The following ADARB2 variants were observed in gnomAD, a reference collection of about 807,000 sequenced individuals.
The protein encoded by ADARB2 is inactive double-stranded RNA-specific editase B2.
ADARB2 carries 25 observed loss-of-function variants against 62.2 expected under a neutral mutation model. The ratio of observed to expected loss-of-function variants is 0.40; its 90% CI spans 0.29 to 0.56. ADARB2 has a LOEUF of 0.56. Among genes scored for constraint, ADARB2 ranks in the 20% least tolerant of loss-of-function variants. ADARB2 has a pLI of 0.43. For missense variants in ADARB2, 1,071 were observed against 1,077.4 expected, an observed-to-expected ratio of 0.99 and a Z score of 0.08; for synonymous variants, 572 against 500.8, an observed-to-expected ratio of 1.14 and a Z score of -1.90.
intron 1 of ADARB2, among the ~76,000 whole-genome samples, chr10:1,458,208 C>T (rs978488756): frequency 1.3e-5 from 2 of 152,152 alleles, no homozygotes; most frequent in Admixed American, 6.5e-5. Flanking sequence ...CTGGAGGTCT[C>T]CGCAGGAAGA....
At chr10:1,247,573 C>A (rs1309062516) in intron 4 of ADARB2, among the ~76,000 whole-genome samples, 1 of 152,192 alleles carries the variant, frequency 6.6e-6, no homozygotes, top group Non-Finnish European at 1.5e-5. Flanking sequence ...CGGGCGTCAT[C>A]ATCTCTCCCC....
At chr10:1,588,053 C>A (rs552577395) in intron 1 of ADARB2, among the ~76,000 whole-genome samples, 2 of 152,280 alleles carry the variant, frequency 1.3e-5, no homozygotes, top group South Asian at 4.2e-4. Flanking sequence ...TGCAACAATA[C>A]TATGACAAGG....
intron 4 of ADARB2, among the ~76,000 whole-genome samples, chr10:1,249,852 C>T (rs959727970): frequency 2.6e-5 from 4 of 152,010 alleles, no homozygotes; most frequent in African/African-American, 4.8e-5. Context: ...CTGCTAGAAA[C>T]AATGAGAGAG....
intron 6 of ADARB2, among the ~76,000 whole-genome samples, chr10:1,222,847 C>T (rs1198977954): frequency 1.3e-5 from 2 of 150,438 alleles, no homozygotes; most frequent in Admixed American, 6.6e-5. Flanking sequence ...AGTCAGGTAG[C>T]ATGATGCCTC....
intron 1 of ADARB2, among the ~76,000 whole-genome samples, chr10:1,665,323 G>A (rs967997840): frequency 3.3e-5 from 5 of 152,256 alleles, no homozygotes; most frequent in South Asian, 2.1e-4. Context: ...GTGAGTGGGC[G>A]TTGTGCGCAG....
intron 3 of ADARB2, among the ~76,000 whole-genome samples, chr10:1,298,520 C>T (rs1157503475): frequency 6.6e-6 from 1 of 152,176 alleles, no homozygotes; most frequent in East Asian, 1.9e-4. Context: ...ACAAAATTCA[C>T]CTTGAGGGAG....
intron 3 of ADARB2, 75 bp from the exon 4 acceptor site, chr10:1,271,144 C>T (rs1007148608): frequency 2.3e-5 from 28 of 1,217,598 alleles, no homozygotes; most frequent in South Asian, 1.0e-4. Flanking sequence ...CTGTCCTCCC[C>T]GTCCTCACAG....
chr10:1,220,279 ATGGTGATGGTGGTGGTGATGG>A (rs1564225323), intron 6 of ADARB2, among the ~76,000 whole-genome samples: 5 of 55,768 alleles, frequency 9.0e-5, no homozygotes, highest in Non-Finnish European at 1.1e-4. Flanking sequence ...GATGATGGTA[ATGGTGATGGTGGTGGTGATGG>A]TGGTGATGGT....
chr10:1,242,202 G>A lies in ADARB2; in HGVS notation c.1290C>T (p.Asp430=). ...GCCGGGCCACGACCTCCGCGTGGCA[G>A]TCATTCACCACCAGCCCCTGGTCAC... ...HLSDQGLVVN[D]CHAEVVARRA... The change falls in exon 5 of 10, where the codon GAC becomes GAT. Residue 430 remains aspartate, a synonymous_variant. Coordinates refer to ENST00000381312, the MANE Select transcript of ADARB2 (RefSeq NM_018702.4). 1 of 1,610,116 alleles carries A rather than the reference G, an allele frequency of 6.2e-7. No homozygotes were observed. Among genetic ancestry groups the A allele is most frequent in the Non-Finnish European group, 8.5e-7 (1 of 1,179,166 alleles).
chr10:1,414,814 A>C (rs553566803), intron 1 of ADARB2, among the ~76,000 whole-genome samples: 130 of 152,318 alleles, frequency 8.5e-4, no homozygotes, highest in African/African-American at 2.9e-3. Flanking sequence ...CCCAACACAG[A>C]TGGACAGAAG....
At chr10:1,604,075 G>A (rs1833465523) in intron 1 of ADARB2, among the ~76,000 whole-genome samples, 1 of 152,070 alleles carries the variant, frequency 6.6e-6, no homozygotes, top group African/African-American at 2.4e-5. Context: ...AAAGTGCTGG[G>A]ATTACAGGCA....
chr10:1,432,562 T>C (rs1830787767), intron 1 of ADARB2, among the ~76,000 whole-genome samples: 2 of 150,036 alleles, frequency 1.3e-5, no homozygotes, highest in Non-Finnish European at 3.0e-5. Context: ...CGTTCACTTA[T>C]CTAAGTGAAA....
At chr10:1,302,051 C>T (rs1022955696) in intron 3 of ADARB2, among the ~76,000 whole-genome samples, 6 of 152,214 alleles carry the variant, frequency 3.9e-5, no homozygotes, top group Non-Finnish European at 8.8e-5. Context: ...GGAACAGCTC[C>T]AGTCTACAGC....
intron 1 of ADARB2, among the ~76,000 whole-genome samples, chr10:1,527,993 G>T (rs979553447): frequency 4.6e-5 from 7 of 152,174 alleles, no homozygotes; most frequent in African/African-American, 1.4e-4. Context: ...AAAATGCCAG[G>T]CTGATATATC....
chr10:1,639,705 G>C (rs1361074519), intron 1 of ADARB2, among the ~76,000 whole-genome samples: 1 of 152,172 alleles, frequency 6.6e-6, no homozygotes, highest in Non-Finnish European at 1.5e-5. Flanking sequence ...AGCTGGGTGT[G>C]GTGGCGGGCG....
intron 4 of ADARB2, among the ~76,000 whole-genome samples, chr10:1,254,973 G>C (rs1289181507): frequency 6.6e-6 from 1 of 152,156 alleles, no homozygotes; most frequent in Non-Finnish European, 1.5e-5. Context: ...TGAAAGCCAG[G>C]GTTTCTCAGC....
chr10:1,264,875 C>G (rs1831179566), intron 4 of ADARB2, among the ~76,000 whole-genome samples: 1 of 152,084 alleles, frequency 6.6e-6, no homozygotes, highest in Non-Finnish European at 1.5e-5. Context: ...AAAGCTGGAC[C>G]TTAGTTTAAA....
intron 1 of ADARB2, among the ~76,000 whole-genome samples, chr10:1,464,287 T>G (rs78522427): frequency 0.056 from 3,195 of 56,910 alleles, 64 homozygotes; most frequent in Non-Finnish European, 0.074. Context: ...ACACACGCGC[T>G]GGGGACAGTC....
chr10:1,302,914 C>T (rs909442945), intron 3 of ADARB2, among the ~76,000 whole-genome samples: 39 of 152,040 alleles, frequency 2.6e-4, no homozygotes, highest in Non-Finnish European at 5.3e-4. Flanking sequence ...TAGATAAAAC[C>T]ACAAAGATGG....
Sources: allele counts gnomAD v4.1 joint callset (sites outside exome capture counted in the v4.1 genomes callset), GRCh38; gene constraint gnomAD v4.1.1; transcripts MANE v1.5; gene names NCBI Gene and HGNC (gene_info 2026-07-23, HGNC 2026-07-21).